Variants in TMC5 observed in about 807,000 individuals in gnomAD.
TMC5 encodes the protein transmembrane channel like 5.
Under a neutral mutation model 110.5 loss-of-function variants are expected in TMC5, and 86 were observed. That is an observed-to-expected ratio of 0.78 (90% CI 0.65 to 0.93). The LOEUF (loss-of-function observed/expected upper bound fraction) is 0.93. TMC5 is among the 40% of genes least tolerant of loss of function. TMC5 has a pLI of 0.00. For synonymous variants in TMC5, 455 were observed against 439.5 expected, an observed-to-expected ratio of 1.04 and a Z score of -0.44; for missense variants, 1,144 against 1,222.8, an observed-to-expected ratio of 0.94 and a Z score of 0.96.
chr16:19,470,967 C>G (rs1968325937), intron 10 of TMC5, among the ~76,000 whole-genome samples: 1 of 152,034 alleles, frequency 6.6e-6, no homozygotes, highest in Non-Finnish European at 1.5e-5. Context: ...ACCCAGGAGG[C>G]AGAGGTTGCA....
At chr16:19,472,914 A>T (rs1355728486) in intron 11 of TMC5, among the ~76,000 whole-genome samples, 1 of 152,196 alleles carries the variant, frequency 6.6e-6, no homozygotes, top group Admixed American at 6.5e-5. Flanking sequence ...GAGATATCAG[A>T]TAAATTCATT....
intron 6 of TMC5, 52 bp from the exon 7 acceptor site, chr16:19,463,228 T>G: frequency 1.5e-6 from 2 of 1,378,530 alleles, no homozygotes; most frequent in Non-Finnish European, 2.1e-6. Flanking sequence ...ATTTTTTGAA[T>G]GAATGAGTTG....
rs759625575 is a variant in TMC5 at position 19,440,286 on chromosome 16, A to C, written c.248A>C (p.Tyr83Ser). 7.4e-6 allele frequency: 12 copies of C among 1,613,996 alleles called. No individual in the cohort carries two copies. The East Asian group carries it at 8.9e-5, about 12-fold the overall frequency. Residue 83 changes from tyrosine (Y) to serine (S), a missense_variant, in exon 3 of 22, where the codon TAT (tyrosine) becomes TCT (serine). Coordinates refer to ENST00000542583, the MANE Select transcript of TMC5 (RefSeq NM_001261841.2). ...CCTAGATCTCTGAGTAATCCAGACTATTCTGGCACCAGAAGCAATGCATAC... is the reference window on the plus strand; with the variant it reads ...CCTAGATCTCTGAGTAATCCAGACTCTTCTGGCACCAGAAGCAATGCATAC... ...NYPRSLSNPD[Y>S]SGTRSNAYSA...
At chr16:19,475,438 T>C (rs1335410422) in intron 12 of TMC5, among the ~76,000 whole-genome samples, 2 of 146,820 alleles carry the variant, frequency 1.4e-5, no homozygotes, top group Non-Finnish European at 3.0e-5. Flanking sequence ...AAAAAAAAAG[T>C]GTAGGTCTGT....
At chr16:19,480,834 A>G (rs985905778) in intron 14 of TMC5, among the ~76,000 whole-genome samples, 10 of 147,970 alleles carry the variant, frequency 6.8e-5, no homozygotes, top group Non-Finnish European at 1.3e-4. Flanking sequence ...AAGTGAAAAG[A>G]TTTTTTTTTG....
At chr16:19,459,806 ACTTTGGG>A (rs1567311790) in intron 5 of TMC5, among the ~76,000 whole-genome samples, 2 of 148,350 alleles carry the variant, frequency 1.3e-5, no homozygotes, top group East Asian at 4.0e-4. Flanking sequence ...TAATCACAAC[ACTTTGGG>A]AGGCTGAGGT....
Position 19,463,279 on chromosome 16 carries a change from G to A in TMC5, c.1149-1G>A. ...TCATTTTCTCTTGCTGTTCCCTACA[G>A]GAAAATAGTTGACAAAGAAAAAAGC... is the stretch of plus-strand genomic sequence containing the variant. On this transcript the variant is annotated splice_acceptor_variant, in intron 6 of 21. Transcript: ENST00000542583. LOFTEE classifies it high-confidence loss of function. 1 of 1,611,848 alleles carries A rather than the reference G, an allele frequency of 6.2e-7. No homozygotes were observed. Among genetic ancestry groups the A allele is most frequent in the African/African-American group, 1.3e-5 (1 of 74,970 alleles).
At position 19,486,842 on chromosome 16, in the gene TMC5, C is replaced by G. The variant is rs1246569102; in HGVS notation, c.2364-103C>G. The G allele has an allele frequency of 3.9e-6, 4 of 1,013,598 alleles. No individual in the cohort carries two copies. In the East Asian group the frequency reaches 9.7e-5, roughly 25 times the overall value. 62.8% of individuals were successfully genotyped at this position (1,013,598 alleles called of 1,614,324 possible). A position where few individuals can be genotyped will look rare whatever the true frequency, so the allele number is the denominator to read the frequency against. ...TATATGGATTTTGGGGACACACAAT[C>G]CAGGCCACAATATCTTCTTTCTCTT... is the stretch of plus-strand genomic sequence containing the variant. On this transcript the variant is annotated intron_variant, in intron 15 of 21. Transcript: ENST00000542583.
chr16:19,489,022 C>T (rs539025712), intron 17 of TMC5, among the ~76,000 whole-genome samples: 2 of 147,220 alleles, frequency 1.4e-5, no homozygotes, highest in South Asian at 2.1e-4. Context: ...CTTGGCATAT[C>T]CACTCTCTTC....
At chr16:19,424,096 T>C (rs761559480) in intron 1 of TMC5, among the ~76,000 whole-genome samples, 11 of 152,170 alleles carry the variant, frequency 7.2e-5, no homozygotes, top group Non-Finnish European at 1.3e-4. Context: ...CTGGAGTTAG[T>C]GTCAGAACCC....
At chr16:19,449,427 G>T in intron 4 of TMC5, 115 bp from the exon 5 acceptor site, 1 of 842,818 alleles carries the variant, frequency 1.2e-6, no homozygotes, top group Non-Finnish European at 2.0e-6. Flanking sequence ...TCAAAGACCA[G>T]GTCTCAGTCT....
chr16:19,419,537 GGA>G (rs1966936378), intron 1 of TMC5, among the ~76,000 whole-genome samples: 2 of 146,134 alleles, frequency 1.4e-5, no homozygotes, highest in Admixed American at 7.2e-5. Flanking sequence ...CTCAGCCTCC[GGA>G]GTAGCTGGGA....
Position 19,421,819 on chromosome 16 carries a change from G to A in TMC5, c.-308+3727G>A, listed in dbSNP as rs377070339. 1.1e-4 allele frequency among the ~76,000 whole-genome samples: 16 copies of A among 152,334 alleles called. No homozygotes were observed. The South Asian group carries it at 3.1e-3, about 30-fold the overall frequency. ...AGAAAATTTGAGCCAGGTGTGGTTG[G>A]CATACACCTATAGTCACAGCTACTC... On this transcript the variant is annotated intron_variant, in intron 1 of 21. Coordinates refer to ENST00000542583, the MANE Select transcript of TMC5 (RefSeq NM_001261841.2).
At position 19,474,185 on chromosome 16, in the gene TMC5, A is replaced by G. The variant is rs144497844; in HGVS notation, c.1999A>G (p.Ile667Val). ...VLLLPFVVSC[I>V]NLAVPCIYSM... ...GTTACTGCCTTTCGTTGTGTCCTGC[A>G]TTAATCTGGCCGTGCCATGCATCTA... The change falls in exon 12 of 22, where the codon ATT becomes GTT. Residue 667 changes from isoleucine (I) to valine (V), a missense_variant. Physicochemically the swap from Ile to Val is conservative, Grantham distance 29. Transcript: ENST00000542583. 19 of 1,613,916 alleles carry G rather than the reference A, an allele frequency of 1.2e-5. No homozygotes were observed. The highest frequency in any genetic ancestry group is 1.3e-5 in the African/African-American group (1 of 74,880).
At chr16:19,430,814 T>C (rs188333662) in intron 2 of TMC5, among the ~76,000 whole-genome samples, 174 bp downstream of exon 2, 1 of 151,980 alleles carries the variant, frequency 6.6e-6, no homozygotes, top group African/African-American at 2.4e-5. Context: ...CAGAATTTTA[T>C]TGGGACTAAT....
chr16:19,421,291 C>T lies in TMC5; in HGVS notation c.-308+3199C>T, dbSNP rs146974899. Among the ~76,000 whole-genome samples the T allele has an allele frequency of 2.0e-4, 30 of 152,176 alleles. 3 individuals are homozygous for T. The East Asian group carries it at 5.8e-3, about 29-fold the overall frequency. ...ATATGGTGTGTCCCCACCCAAATCT[C>T]ATCTTGAATTATAGCTCCCATAATC... On this transcript the variant is annotated intron_variant, in intron 1 of 21. Transcript: ENST00000542583.
At position 19,444,266 on chromosome 16, in the gene TMC5, G is replaced by A; in HGVS notation, c.958+16G>A. 3 of 1,612,074 alleles carry A rather than the reference G, an allele frequency of 1.9e-6. No individual in the cohort carries two copies. Among genetic ancestry groups the A allele is most frequent in the Non-Finnish European group, 2.5e-6 (3 of 1,179,164 alleles). The stretch of plus-strand genomic sequence containing the variant: ...AGTGGCTATGGTAAGCATTTGTTAA[G>A]CCAGGATCATATCCTGGGAAAAAAC... On this transcript the variant is annotated intron_variant, in intron 4 of 21. Coordinates refer to ENST00000542583, the MANE Select transcript of TMC5 (RefSeq NM_001261841.2).
At chr16:19,460,677 G>A (rs892889403) in intron 6 of TMC5, among the ~76,000 whole-genome samples, 6 of 152,134 alleles carry the variant, frequency 3.9e-5, no homozygotes, top group Non-Finnish European at 7.4e-5. Flanking sequence ...TGTGATGGGG[G>A]AAACATGTCT....
At chr16:19,462,536 A>G in intron 6 of TMC5, 1 of 702,196 alleles carries the variant, frequency 1.4e-6, no homozygotes, top group Non-Finnish European at 2.6e-6. Flanking sequence ...CAGAGGACGA[A>G]GGAAGAGCAA....
Sources: gnomAD v4.1 joint callset for allele counts (sites outside exome capture counted in the v4.1 genomes callset) on GRCh38, gnomAD v4.1.1 for gene constraint, MANE v1.5 for transcripts, NCBI Gene and HGNC (gene_info 2026-07-23, HGNC 2026-07-21) for gene names.